Variants in SNTG2 observed in about 807,000 individuals in gnomAD.
SNTG2 encodes syntrophin gamma 2.
In SNTG2, 74 loss-of-function variants were observed where a neutral mutation model predicts 70.9. The observed-to-expected ratio is 1.04, with a 90% CI of 0.86 to 1.27. The LOEUF (loss-of-function observed/expected upper bound fraction) is 1.27, where lower values mean the gene tolerates loss of function less well. Ranked by LOEUF, SNTG2 falls within the 50% of genes most tolerant of loss-of-function variation. The pLI is 0.00. For synonymous variants in SNTG2, 278 were observed against 273.8 expected (o/e 1.02, Z -0.15); for missense variants, 717 against 690.7 (o/e 1.04, Z -0.43).
At chr2:1,348,365 A>G (rs1321445281) in intron 16 of SNTG2, among the ~76,000 whole-genome samples, 3 of 152,234 alleles carry the variant, frequency 2.0e-5, no homozygotes, top group African/African-American at 7.2e-5. Context: ...CCTCTCTGGC[A>G]TTAACATCAA....
chr2:1,131,636 C>A (rs1197572797), intron 4 of SNTG2, among the ~76,000 whole-genome samples: 2 of 151,644 alleles, frequency 1.3e-5, no homozygotes, highest in East Asian at 3.9e-4. Flanking sequence ...TTTGCAAATC[C>A]TTTTTCTTTT....
intron 4 of SNTG2, among the ~76,000 whole-genome samples, chr2:1,104,238 T>C (rs1360518303): frequency 6.6e-6 from 1 of 152,222 alleles, no homozygotes; most frequent in Non-Finnish European, 1.5e-5. Context: ...ACGACGTTTT[T>C]TCATTTATTC....
At chr2:1,214,899 G>C (rs1020249783) in intron 9 of SNTG2, among the ~76,000 whole-genome samples, 4 of 152,156 alleles carry the variant, frequency 2.6e-5, no homozygotes, top group Non-Finnish European at 5.9e-5. Context: ...TTGTGTTGAA[G>C]TACATTCCCT....
chr2:1,149,335 T>C (rs1186909556), intron 6 of SNTG2, among the ~76,000 whole-genome samples: 3 of 152,084 alleles, frequency 2.0e-5, no homozygotes. Flanking sequence ...AGTTTGTCTT[T>C]TCATTGTACA....
chr2:1,356,445 CT>C (rs1660857257), intron 16 of SNTG2, among the ~76,000 whole-genome samples: 1 of 152,182 alleles, frequency 6.6e-6, no homozygotes, highest in Non-Finnish European at 1.5e-5. Flanking sequence ...AGAGACTGAC[CT>C]TTCCCCACTG....
intron 1 of SNTG2, among the ~76,000 whole-genome samples, chr2:996,057 T>C (rs1661672278): frequency 6.6e-6 from 1 of 152,212 alleles, no homozygotes; most frequent in Non-Finnish European, 1.5e-5. Flanking sequence ...GAAACACTTT[T>C]ATTGTCTTTC....
intron 1 of SNTG2, among the ~76,000 whole-genome samples, chr2:1,021,474 A>T (rs1445812399): frequency 1.3e-5 from 2 of 152,242 alleles, no homozygotes; most frequent in Non-Finnish European, 2.9e-5. Flanking sequence ...GGAAACCAAA[A>T]GCTTGCAGGG....
chr2:1,044,721 T>C (rs1661629054), intron 1 of SNTG2, among the ~76,000 whole-genome samples: 1 of 152,250 alleles, frequency 6.6e-6, no homozygotes, highest in Non-Finnish European at 1.5e-5. Context: ...GAACCAACCT[T>C]GCATCCCAGG....
chr2:956,129 CCTGCA>C, intron 1 of SNTG2, among the ~76,000 whole-genome samples: 1 of 116,194 alleles, frequency 8.6e-6, no homozygotes, highest in African/African-American at 3.4e-5. Flanking sequence ...CTGCCCATGC[CCTGCA>C]CCCACCGCGC....
At chr2:1,224,363 T>C (rs1675615228) in intron 9 of SNTG2, among the ~76,000 whole-genome samples, 1 of 152,206 alleles carries the variant, frequency 6.6e-6, no homozygotes, top group Non-Finnish European at 1.5e-5. Context: ...TTTCATTTTT[T>C]CTTCTATCTG....
chr2:1,050,232 A>G (rs371598682), intron 1 of SNTG2, among the ~76,000 whole-genome samples: 29 of 152,170 alleles, frequency 1.9e-4, no homozygotes, highest in African/African-American at 6.5e-4. Flanking sequence ...CTAATTTACA[A>G]TTACAACTTT....
At chr2:1,213,548 T>A (rs912854691) in intron 9 of SNTG2, among the ~76,000 whole-genome samples, 1 of 152,086 alleles carries the variant, frequency 6.6e-6, no homozygotes, top group Admixed American at 6.6e-5. Flanking sequence ...TCATTCAGGG[T>A]TGGGGAGACT....
chr2:1,043,162 A>C (rs765805987), intron 1 of SNTG2, among the ~76,000 whole-genome samples: 6 of 152,148 alleles, frequency 3.9e-5, no homozygotes, highest in Non-Finnish European at 8.8e-5. Flanking sequence ...GGCCACATAT[A>C]CGTCTTTTTT....
At chr2:1,226,732 A>G (rs116581231) in intron 9 of SNTG2, among the ~76,000 whole-genome samples, 1,576 of 152,374 alleles carry the variant, frequency 0.01, 28 homozygotes, top group African/African-American at 0.036. Context: ...AAATAGTTAT[A>G]GAAAACTAAA....
chr2:1,246,276 G>A (rs758060269), intron 11 of SNTG2, among the ~76,000 whole-genome samples: 8 of 152,186 alleles, frequency 5.3e-5, no homozygotes, highest in Non-Finnish European at 7.3e-5. Context: ...TAGAAATACC[G>A]TTTGTAGAAA....
At chr2:1,304,732 A>ATC (rs1680602973) in intron 14 of SNTG2, among the ~76,000 whole-genome samples, 5 of 151,470 alleles carry the variant, frequency 3.3e-5, no homozygotes, top group African/African-American at 1.2e-4. Context: ...CTCTCTCAAA[A>ATC]AAAAAAAAAA....
intron 6 of SNTG2, among the ~76,000 whole-genome samples, chr2:1,144,126 T>C (rs4450635): frequency 0.37 from 56,720 of 151,826 alleles, 11,457 homozygotes; most frequent in East Asian, 0.83. Context: ...CTTTACCTCC[T>C]AAATCTTTAA....
chr2:1,073,457 T>G (rs1228891433), intron 1 of SNTG2, among the ~76,000 whole-genome samples: 2 of 152,256 alleles, frequency 1.3e-5, no homozygotes, highest in Non-Finnish European at 2.9e-5. Flanking sequence ...ATTTTTTTAA[T>G]TAAGGTATAT....
chr2:1,071,681 T>G (rs1388865931), intron 1 of SNTG2, among the ~76,000 whole-genome samples: 1 of 150,010 alleles, frequency 6.7e-6, no homozygotes, highest in African/African-American at 2.4e-5. Flanking sequence ...AGATCAAGCT[T>G]AGTGAGGGTG....
Sources: allele counts gnomAD v4.1 joint callset (sites outside exome capture counted in the v4.1 genomes callset), GRCh38; gene constraint gnomAD v4.1.1; transcripts MANE v1.5; gene names NCBI Gene and HGNC (gene_info 2026-07-23, HGNC 2026-07-21).